Variants in CNTNAP4 observed in about 807,000 individuals in gnomAD.
CNTNAP4 encodes contactin associated protein family member 4.
CNTNAP4 carries 98 observed loss-of-function variants against 148.4 expected under a neutral mutation model. That is an observed-to-expected ratio of 0.66 (90% confidence interval 0.56 to 0.78). The LOEUF (loss-of-function observed/expected upper bound fraction) is 0.78, where lower values mean the gene tolerates loss of function less well. CNTNAP4 is among the 30% of genes least tolerant of loss of function. The pLI is 0.00. For synonymous variants in CNTNAP4, 730 were observed against 565.1 expected, an observed-to-expected ratio of 1.29 and a Z score of -4.14; for missense variants, 1,935 against 1,565.6, an observed-to-expected ratio of 1.24 and a Z score of -3.98.
intron 23 of CNTNAP4, 69 bp downstream of exon 23, chr16:76,553,976 T>C: frequency 2.0e-6 from 2 of 1,002,060 alleles, no homozygotes; most frequent in Non-Finnish European, 3.1e-6. Context: ...TATTTAGCAT[T>C]GTAGAAACTG....
At chr16:76,378,072 C>T (rs1220933891) in intron 3 of CNTNAP4, among the ~76,000 whole-genome samples, 1 of 152,112 alleles carries the variant, frequency 6.6e-6, no homozygotes, top group Non-Finnish European at 1.5e-5. Flanking sequence ...AGATCACTCT[C>T]AATTCTCATT....
At chr16:76,300,001 G>C (rs1488856619) in intron 1 of CNTNAP4, among the ~76,000 whole-genome samples, 2 of 152,006 alleles carry the variant, frequency 1.3e-5, no homozygotes, top group African/African-American at 4.8e-5. Context: ...GTTGTGGGGT[G>C]GGGGAGTGGG....
chr16:76,303,531 G>A (rs543158729), intron 1 of CNTNAP4, among the ~76,000 whole-genome samples: 2 of 152,274 alleles, frequency 1.3e-5, no homozygotes, highest in East Asian at 3.9e-4. Flanking sequence ...CACATACTTA[G>A]GAGGACATTG....
intron 2 of CNTNAP4, among the ~76,000 whole-genome samples, chr16:76,339,815 A>G (rs1047577350): frequency 3.0e-4 from 46 of 152,354 alleles, no homozygotes; most frequent in Non-Finnish European, 6.0e-4. Context: ...TTCCATTCAA[A>G]TATGTCCATG....
At chr16:76,290,990 C>T (rs2143828526) in intron 1 of CNTNAP4, among the ~76,000 whole-genome samples, 1 of 152,218 alleles carries the variant, frequency 6.6e-6, no homozygotes, top group South Asian at 2.1e-4. Flanking sequence ...TCTCTGGTGT[C>T]TCTTACTCTT....
chr16:76,375,190 G>A (rs2015296534), intron 3 of CNTNAP4, among the ~76,000 whole-genome samples: 2 of 152,250 alleles, frequency 1.3e-5, no homozygotes, highest in African/African-American at 4.8e-5. Flanking sequence ...TGGAGGTTGA[G>A]GCGGGTGGAT....
At chr16:76,520,709 G>A (rs2144096679) in intron 15 of CNTNAP4, among the ~76,000 whole-genome samples, 1 of 152,220 alleles carries the variant, frequency 6.6e-6, no homozygotes, top group Non-Finnish European at 1.5e-5. Flanking sequence ...TGTTAGAAGT[G>A]TTAGAACAAA....
At chr16:76,366,895 A>G (rs2014203843) in intron 3 of CNTNAP4, among the ~76,000 whole-genome samples, 1 of 152,186 alleles carries the variant, frequency 6.6e-6, no homozygotes, top group Admixed American at 6.5e-5. Context: ...CTTTTGAGTA[A>G]AAGATAATAT....
At chr16:76,346,453 A>G (rs1166922133) in intron 2 of CNTNAP4, among the ~76,000 whole-genome samples, 1 of 149,700 alleles carries the variant, frequency 6.7e-6, no homozygotes, top group East Asian at 2.0e-4. Flanking sequence ...AAAAAAAAAG[A>G]AGGTAGAGAA....
chr16:76,278,874 A>G (rs1303379834), intron 1 of CNTNAP4, among the ~76,000 whole-genome samples: 1 of 152,164 alleles, frequency 6.6e-6, no homozygotes, highest in Non-Finnish European at 1.5e-5. Context: ...ATGTCCCCTC[A>G]CAGTACCTGG....
In CNTNAP4 at chr16:76,277,596, T is replaced by G. The variant is rs1958523937; in HGVS notation, c.-67T>G. 2.8e-6 allele frequency: 3 copies of G among 1,070,126 alleles called. No homozygotes were observed. Among genetic ancestry groups the G allele is most frequent in the Non-Finnish European group, 4.2e-6 (3 of 708,934 alleles). 66.3% of individuals were successfully genotyped at this position (1,070,126 alleles called of 1,614,324 possible). On this transcript the variant is annotated 5_prime_UTR_variant, in exon 1 of 24. Coordinates refer to ENST00000611870, the MANE Select transcript of CNTNAP4 (RefSeq NM_033401.5). The stretch of plus-strand genomic sequence containing the variant: ...ACCCAGACAGAGCTGGCAGAGCTAC[T>G]GAGAAGAGGACTGGAGCGCTCTGAG...
At chr16:76,514,908 G>A (rs1321294696) in intron 15 of CNTNAP4, among the ~76,000 whole-genome samples, 1 of 152,060 alleles carries the variant, frequency 6.6e-6, no homozygotes. Flanking sequence ...AAGATGCACT[G>A]ATTACTAAAA....
At chr16:76,554,000 C>T (rs1475775765) in intron 23 of CNTNAP4, 93 bp downstream of exon 23, 9 of 785,022 alleles carry the variant, frequency 1.1e-5, no homozygotes, top group Non-Finnish European at 1.9e-5. Flanking sequence ...AGAATCTGCA[C>T]ATACTCCAAG....
chr16:76,438,728 A>C, intron 4 of CNTNAP4, among the ~76,000 whole-genome samples: 1 of 150,982 alleles, frequency 6.6e-6, no homozygotes. Context: ...CCATACCCAC[A>C]CTCTCCCTTT....
At chr16:76,472,517 A>G (rs7204713) in intron 10 of CNTNAP4, among the ~76,000 whole-genome samples, 1 of 151,836 alleles carries the variant, frequency 6.6e-6, no homozygotes. Flanking sequence ...CTTTGGTTTT[A>G]CGTTCCTGCA....
At chr16:76,303,312 G>A (rs1960172063) in intron 1 of CNTNAP4, among the ~76,000 whole-genome samples, 1 of 152,012 alleles carries the variant, frequency 6.6e-6, no homozygotes, top group Non-Finnish European at 1.5e-5. Context: ...AAACATTTCA[G>A]CCTTCATCTT....
At position 76,349,168 on chromosome 16, in the gene CNTNAP4, T is replaced by A. The variant is rs544335581; in HGVS notation, c.197-6150T>A. 3.3e-5 allele frequency among the ~76,000 whole-genome samples: 5 copies of A among 152,252 alleles called. No individual in the cohort carries two copies. The South Asian group carries it at 1.0e-3, about 32-fold the overall frequency. ...CATTTCTCAACTCTCCTTCTCTCTC[T>A]TTTGGCCTCACTCAGACAGGCTTTC... On this transcript the variant is annotated intron_variant, in intron 2 of 23. Coordinates refer to ENST00000611870, the MANE Select transcript of CNTNAP4 (RefSeq NM_033401.5).
intron 2 of CNTNAP4, among the ~76,000 whole-genome samples, chr16:76,352,271 A>G (rs1305293674): frequency 6.6e-6 from 1 of 152,124 alleles, no homozygotes; most frequent in African/African-American, 2.4e-5. Flanking sequence ...GGAGGGAAAG[A>G]ATAAAATTAG....
intron 21 of CNTNAP4, among the ~76,000 whole-genome samples, chr16:76,547,201 G>A (rs1009027778): frequency 4.6e-5 from 7 of 152,078 alleles, no homozygotes; most frequent in Non-Finnish European, 8.8e-5. Context: ...ATTAATTAAA[G>A]GAAATATACA....
Sources: allele counts gnomAD v4.1 joint callset (sites outside exome capture counted in the v4.1 genomes callset), GRCh38; gene constraint gnomAD v4.1.1; transcripts MANE v1.5; gene names NCBI Gene and HGNC (gene_info 2026-07-23, HGNC 2026-07-21).